Variants in DARS1 observed in about 807,000 individuals in gnomAD.
DARS1 encodes the protein aspartate--tRNA ligase, cytoplasmic.
Under a neutral mutation model 68.8 loss-of-function variants are expected in DARS1, and 51 were observed. The ratio of observed to expected loss-of-function variants is 0.74; its 90% CI spans 0.59 to 0.94. DARS1 has a LOEUF of 0.94. DARS1 is among the 40% of genes least tolerant of loss of function. The pLI is 0.00. For synonymous variants in DARS1, 203 were observed against 190.4 expected (o/e 1.07, Z -0.55); for missense variants, 607 against 597.3 (o/e 1.02, Z -0.17).
At position 135,943,244 on chromosome 2, in the gene DARS1, G is replaced by A. The variant is rs1232701966; in HGVS notation, c.423+134C>T. ...TGGGGTGATTTGTTATATAACAAAAGCTAATTGATTCAGTAACTAATTTAT... is the reference window on the plus strand; with the variant it reads ...TGGGGTGATTTGTTATATAACAAAAACTAATTGATTCAGTAACTAATTTAT... On this transcript the variant is annotated intron_variant, in intron 5 of 15. Transcript: ENST00000264161. 4.0e-6 allele frequency: 5 copies of A among 1,258,556 alleles called. No homozygotes were observed. The African/African-American group carries it at 6.1e-5, about 15-fold the overall frequency. 78.0% of individuals were successfully genotyped at this position (1,258,556 alleles called of 1,614,324 possible). A position where few individuals can be genotyped will look rare whatever the true frequency, so the allele number is the denominator to read the frequency against.
intron 7 of DARS1, among the ~76,000 whole-genome samples, chr2:135,931,032 G>C (rs1238856019): frequency 6.6e-6 from 1 of 152,108 alleles, no homozygotes; most frequent in African/African-American, 2.4e-5. Context: ...TTTTAATCAG[G>C]GCACCTGCCT....
At chr2:135,948,020 ATT>A in intron 4 of DARS1, among the ~76,000 whole-genome samples, 1 of 152,350 alleles carries the variant, frequency 6.6e-6, no homozygotes, top group South Asian at 2.1e-4. Context: ...ACAAAGTTAT[ATT>A]TAGCCCAGGA....
chr2:135,943,267 T>C (rs1575395200), intron 5 of DARS1, 111 bp downstream of exon 5: 8 of 1,410,916 alleles, frequency 5.7e-6, no homozygotes, highest in South Asian at 3.0e-5. Flanking sequence ...GTAACTAATT[T>C]ATAAACCTCA....
At chr2:135,955,963 G>A (rs1261475453) in intron 4 of DARS1, among the ~76,000 whole-genome samples, 1 of 152,044 alleles carries the variant, frequency 6.6e-6, no homozygotes, top group Non-Finnish European at 1.5e-5. Flanking sequence ...CCAGCCATAT[G>A]TTTCAATTCT....
intron 4 of DARS1, among the ~76,000 whole-genome samples, chr2:135,945,832 G>A (rs1681709218): frequency 6.6e-6 from 1 of 152,154 alleles, no homozygotes; most frequent in African/African-American, 2.4e-5. Flanking sequence ...AAGAAGGCAG[G>A]ATTAATCAGA....
At position 135,920,387 on chromosome 2, in the gene DARS1, AT is replaced by A. The variant is rs550446877; in HGVS notation, c.959+65del. On this transcript the variant is annotated intron_variant, in intron 10 of 15. Coordinates refer to ENST00000264161, the MANE Select transcript of DARS1 (RefSeq NM_001349.4). ...TAAGTTTGTATGTTTAAATTGAAGAATTTTTTTTTTAAAGGGCCCAAACATT... is the reference window on the plus strand; with the variant it reads ...TAAGTTTGTATGTTTAAATTGAAGAATTTTTTTTTAAAGGGCCCAAACATT... 2,757 of 1,403,380 alleles carry A rather than the reference AT, an allele frequency of 2.0e-3. 2 individuals are homozygous for A. The highest frequency in any genetic ancestry group is 5.2e-3 in the South Asian group (344 of 66,310). 86.9% of individuals were successfully genotyped at this position (1,403,380 alleles called of 1,614,324 possible).
chr2:135,925,442 G>C (rs1021330459), intron 7 of DARS1, among the ~76,000 whole-genome samples: 4 of 152,096 alleles, frequency 2.6e-5, no homozygotes, highest in African/African-American at 9.7e-5. Context: ...ATATCAAAGG[G>C]CTCACCCCTT....
At chr2:135,981,588 A>C (rs1682633237) in intron 2 of DARS1, among the ~76,000 whole-genome samples, 1 of 152,138 alleles carries the variant, frequency 6.6e-6, no homozygotes, top group Non-Finnish European at 1.5e-5. Flanking sequence ...TTGTGGTCTC[A>C]AGCATTTTGG....
intron 5 of DARS1, among the ~76,000 whole-genome samples, chr2:135,936,396 C>CT (rs201691594): frequency 0.17 from 24,439 of 147,762 alleles, 2,227 homozygotes; most frequent in Middle Eastern, 0.4. Context: ...CACACATACA[C>CT]TTTTTTTTTT....
At chr2:135,962,212 CTTT>C (rs1682117942) in intron 3 of DARS1, among the ~76,000 whole-genome samples, 1 of 152,080 alleles carries the variant, frequency 6.6e-6, no homozygotes. Flanking sequence ...ATTCCTTCTT[CTTT>C]GATAAAGAAC....
intron 4 of DARS1, 120 bp downstream of exon 4, chr2:135,961,276 A>G (rs1228383143): frequency 3.1e-6 from 2 of 647,914 alleles, no homozygotes; most frequent in Non-Finnish European, 5.5e-6. Flanking sequence ...GACAATTTAA[A>G]TAACTACATT....
At position 135,979,345 on chromosome 2, in the gene DARS1, C is replaced by G. The variant is rs1682571215; in HGVS notation, c.146G>C (p.Arg49Thr). The G allele has an allele frequency of 1.4e-6, 2 of 1,457,440 alleles. No individual in the cohort carries two copies. Among genetic ancestry groups the G allele is most frequent in the Non-Finnish European group, 9.6e-7 (1 of 1,036,856 alleles). 90.3% of individuals were successfully genotyped at this position (1,457,440 alleles called of 1,614,324 possible). Residue 49 changes from arginine (R) to threonine (T), a missense_variant, in exon 3 of 16, where the codon AGA (arginine) becomes ACA (threonine). Physicochemically the swap from Arg to Thr is moderately conservative, Grantham distance 71. Coordinates refer to ENST00000264161, the MANE Select transcript of DARS1 (RefSeq NM_001349.4). ...EKPDRVLVRV[R>T]DLTIQKADEV... The stretch of plus-strand genomic sequence containing the variant: ...ATCAGCTTTTTGTATTGTCAAGTCT[C>G]TAACCCGAACCAAAACTCGATCTGT...
intron 3 of DARS1, among the ~76,000 whole-genome samples, chr2:135,971,768 T>C (rs553131104): frequency 1.3e-5 from 2 of 152,202 alleles, no homozygotes; most frequent in East Asian, 1.9e-4. Flanking sequence ...AATCAACATA[T>C]AAATGTCAGT....
intron 4 of DARS1, among the ~76,000 whole-genome samples, chr2:135,955,720 T>C (rs549536833): frequency 1.5e-5 from 2 of 129,260 alleles, no homozygotes; most frequent in Admixed American, 8.9e-5. Context: ...AGGGTCTCGC[T>C]CTGTCACACA....
intron 11 of DARS1, 193 bp from the exon 12 acceptor site, chr2:135,914,704 T>A: frequency 1.8e-6 from 1 of 559,388 alleles, no homozygotes; most frequent in Admixed American, 3.1e-5. Flanking sequence ...GTACAGTGAC[T>A]CAGTGCTTAG....
chr2:135,969,472 A>G (rs1682319113), intron 3 of DARS1, among the ~76,000 whole-genome samples: 1 of 152,134 alleles, frequency 6.6e-6, no homozygotes, highest in African/African-American at 2.4e-5. Context: ...ATTCTTTTAA[A>G]GATTCGTGTG....
chr2:135,926,140 C>T (rs766210587), intron 7 of DARS1, among the ~76,000 whole-genome samples: 3 of 152,326 alleles, frequency 2.0e-5, no homozygotes, highest in South Asian at 4.1e-4. Context: ...ATCTGCTCAT[C>T]ACGGCCTCCC....
chr2:135,943,569 A>G, intron 4 of DARS1, 89 bp from the exon 5 acceptor site: 1 of 1,530,430 alleles, frequency 6.5e-7, no homozygotes, highest in Non-Finnish European at 8.7e-7. Context: ...TGAATATGTT[A>G]AACTCTTTTT....
At chr2:135,972,681 C>G (rs542046217) in intron 3 of DARS1, among the ~76,000 whole-genome samples, 1 of 151,990 alleles carries the variant, frequency 6.6e-6, no homozygotes, top group Non-Finnish European at 1.5e-5. Flanking sequence ...ACCCATCTGA[C>G]GAGGAATTAC....
Sources: allele counts gnomAD v4.1 joint callset (sites outside exome capture counted in the v4.1 genomes callset), GRCh38; gene constraint gnomAD v4.1.1; transcripts MANE v1.5; gene names NCBI Gene and HGNC (gene_info 2026-07-23, HGNC 2026-07-21).